Variants in FIGNL2 observed in about 807,000 individuals in gnomAD.
The protein encoded by FIGNL2 is fidgetin like 2, also known as fidgetin-like protein 2.
For missense variants in FIGNL2, 1,060 were observed against 950.2 expected (o/e 1.12, Z -1.52); for synonymous variants, 565 against 484.0 (o/e 1.17, Z -2.20).
rs576690245 is a variant in FIGNL2, at chr12:51,834,038, TG to T, written c.-11-11615del. On this transcript the variant is annotated intron_variant, in intron 1 of 1. Coordinates refer to ENST00000618634, the MANE Select transcript of FIGNL2 (RefSeq NM_001384995.1). ...ATGGACGGATGGATGGATGGATGGA[TG>T]GATGAATGGACAGATGGACAGATGG... Among the ~76,000 whole-genome samples, 28 of 150,338 alleles carry T rather than the reference TG, an allele frequency of 1.9e-4. 2 individuals are homozygous for T. The East Asian group carries it at 4.7e-3, about 25-fold the overall frequency.
chr12:51,846,024 G>C (rs544924964), intron 1 of FIGNL2, among the ~76,000 whole-genome samples: 1 of 152,210 alleles, frequency 6.6e-6, no homozygotes, highest in Non-Finnish European at 1.5e-5. Flanking sequence ...CCACCCAAGA[G>C]CACAGAGCTG....
intron 1 of FIGNL2, chr12:51,828,561 G>A (rs1433762306): frequency 2.0e-5 from 3 of 152,172 alleles, no homozygotes; most frequent in Non-Finnish European, 4.4e-5. Context: ...AGTCTTACAA[G>A]GTTCATGAGA....
chr12:51,828,960 A>C (rs1360734110), intron 1 of FIGNL2, among the ~76,000 whole-genome samples: 1 of 152,206 alleles, frequency 6.6e-6, no homozygotes, highest in African/African-American at 2.4e-5. Context: ...CAACCCCCGA[A>C]GGAGACCCCC....
chr12:51,840,851 C>T (rs768198119), intron 1 of FIGNL2, among the ~76,000 whole-genome samples: 9 of 152,252 alleles, frequency 5.9e-5, no homozygotes, highest in Non-Finnish European at 1.0e-4. Flanking sequence ...TTCCCCTCCC[C>T]GTAGCCAGTT....
intron 1 of FIGNL2, among the ~76,000 whole-genome samples, chr12:51,845,941 G>A (rs909398231): frequency 5.9e-5 from 9 of 151,982 alleles, no homozygotes; most frequent in Admixed American, 1.3e-4. Context: ...TGGGGGGGTG[G>A]GGTAGGGTCA....
intron 1 of FIGNL2, among the ~76,000 whole-genome samples, chr12:51,843,566 A>G (rs1164357609): frequency 2.0e-5 from 3 of 151,584 alleles, no homozygotes; most frequent in Non-Finnish European, 4.4e-5. Flanking sequence ...AAAAGAGTCA[A>G]TGCAGCTTGT....
chr12:51,825,289 G>T (rs1394338948), intron 1 of FIGNL2, among the ~76,000 whole-genome samples: 1 of 152,084 alleles, frequency 6.6e-6, no homozygotes, highest in East Asian at 1.9e-4. Context: ...CTCAGATCTG[G>T]ACTTGTCCAC....
Position 51,821,297 on chromosome 12 carries a change from C to T in FIGNL2, c.1117G>A (p.Gly373Arg). The change falls in exon 2 of 2, where the codon GGG becomes AGG. Residue 373 changes from glycine (G) to arginine (R), a missense_variant. Gly to Arg is a moderately radical substitution (Grantham distance 125). Coordinates refer to ENST00000618634, the MANE Select transcript of FIGNL2 (RefSeq NM_001384995.1). ...SGETPKGVDP[G>R]ALELVTSKMV... ...TTGCTCGTCACCAGCTCCAGGGCCC[C>T]AGGGTCCACGCCTTTGGGAGTCTCC... 1 of 1,524,284 alleles carries T rather than the reference C, an allele frequency of 6.6e-7. No individual in the cohort carries two copies. Among genetic ancestry groups the T allele is most frequent in the Non-Finnish European group, 8.8e-7 (1 of 1,141,480 alleles). The allele number at this position is 1,524,284 out of a possible 1,614,324, so 94.4% of individuals were successfully genotyped here.
chr12:51,847,646 C>T, intron 1 of FIGNL2: 3 of 985,430 alleles, frequency 3.0e-6, no homozygotes, highest in Non-Finnish European at 3.6e-6. Context: ...CGCGCAGACC[C>T]CTTCCCAGGC....
At chr12:51,829,747 C>T (rs1939415340) in intron 1 of FIGNL2, among the ~76,000 whole-genome samples, 1 of 148,800 alleles carries the variant, frequency 6.7e-6, no homozygotes, top group African/African-American at 2.5e-5. Context: ...CAAAGTGTTT[C>T]CTCAGAAAGG....
At chr12:51,846,517 G>A (rs1939753673) in intron 1 of FIGNL2, among the ~76,000 whole-genome samples, 1 of 152,172 alleles carries the variant, frequency 6.6e-6, no homozygotes. Flanking sequence ...GGCCATGGGT[G>A]AGCAGAAGAA....
At position 51,821,946 on chromosome 12, in the gene FIGNL2, G is replaced by T; in HGVS notation, c.468C>A (p.Pro156=). 2 of 1,523,124 alleles carry T rather than the reference G, an allele frequency of 1.3e-6. No homozygotes were observed. The highest frequency in any genetic ancestry group is 2.6e-5 in the East Asian group (1 of 39,040). 94.4% of individuals were successfully genotyped at this position (1,523,124 alleles called of 1,614,324 possible). A position where few individuals can be genotyped will look rare whatever the true frequency, so the allele number is the denominator to read the frequency against. The stretch of plus-strand genomic sequence containing the variant: ...CCCCGCCGTAGCCGGCCGCGTACTC[G>T]GGCGCCGCCGATGGGCCCCCGCACG... ...GNACGGPSAA[P]EYAAGYGGGY... is the part of the protein sequence containing the mutation. The change falls in exon 2 of 2, where the codon CCC becomes CCA. Residue 156 remains proline, a synonymous_variant. Transcript: ENST00000618634.
At position 51,843,266 on chromosome 12, in the gene FIGNL2, A is replaced by C. The variant is rs530036183; in HGVS notation, c.-12+5274T>G. Among the ~76,000 whole-genome samples the C allele has an allele frequency of 2.2e-3, 341 of 152,150 alleles. 3 individuals carry two copies. The highest frequency in any genetic ancestry group is 7.3e-3 in the African/African-American group (305 of 41,514). ...GTTTGTTAATAGTAAATGAAGTCTC[A>C]CGGCTCACGTCTGTAATCCCAACAC... On this transcript the variant is annotated intron_variant, in intron 1 of 1. Transcript: ENST00000618634.
intron 1 of FIGNL2, among the ~76,000 whole-genome samples, chr12:51,825,069 A>T (rs528763206): frequency 1.3e-5 from 2 of 152,178 alleles, no homozygotes; most frequent in African/African-American, 4.8e-5. Flanking sequence ...AACAAAAGTT[A>T]CACAAATGCA....
intron 1 of FIGNL2, chr12:51,848,211 C>G: frequency 1.0e-6 from 1 of 985,070 alleles, no homozygotes; most frequent in Non-Finnish European, 1.2e-6. Flanking sequence ...TCCCCACCCC[C>G]AGGCCAGCAG....
intron 1 of FIGNL2, among the ~76,000 whole-genome samples, chr12:51,834,087 A>ATGGGTGGATGGTTGGATGGATG (rs1565946347): frequency 7.8e-6 from 1 of 128,956 alleles, no homozygotes; most frequent in Non-Finnish European, 1.7e-5. Context: ...ATAGACAGAC[A>ATGGGTGGATGGTTGGATGGATG]GACGGATGGG....
intron 1 of FIGNL2, chr12:51,845,354 C>T: frequency 5.6e-6 from 3 of 533,524 alleles, no homozygotes; most frequent in Non-Finnish European, 4.8e-6. Flanking sequence ...GGTCCCTCTG[C>T]CCTGATCTCC....
chr12:51,821,949 C>G lies in FIGNL2; in HGVS notation c.465G>C (p.Ala155=), dbSNP rs1237592039. 1 of 1,526,108 alleles carries G rather than the reference C, an allele frequency of 6.6e-7. No individual in the cohort carries two copies. Among genetic ancestry groups the G allele is most frequent in the Non-Finnish European group, 8.8e-7 (1 of 1,136,760 alleles). The allele number at this position is 1,526,108 out of a possible 1,614,324, so 94.5% of individuals were successfully genotyped here. The part of the protein sequence containing the change: ...AGNACGGPSA[A]PEYAAGYGGG... ...CGCCGTAGCCGGCCGCGTACTCGGG[C>G]GCCGCCGATGGGCCCCCGCACGCAT... The change falls in exon 2 of 2, where the codon GCG becomes GCC. Residue 155 remains alanine (A), a synonymous_variant. Transcript: ENST00000618634.
At chr12:51,842,278 A>C (rs1592195885) in intron 1 of FIGNL2, among the ~76,000 whole-genome samples, 2 of 152,214 alleles carry the variant, frequency 1.3e-5, no homozygotes. Flanking sequence ...TGCCGGACAC[A>C]GTGTGCCTGG....
Sources: gnomAD v4.1 joint callset for allele counts (sites outside exome capture counted in the v4.1 genomes callset) on GRCh38, gnomAD v4.1.1 for gene constraint, MANE v1.5 for transcripts, NCBI Gene and HGNC (gene_info 2026-07-23, HGNC 2026-07-21) for gene names.